DLGAP1: variants seen among roughly 807,000 people sequenced by gnomAD.
DLGAP1 encodes DLG associated protein 1, also known as disks large-associated protein 1.
A neutral mutation model predicts 90.8 loss-of-function variants in DLGAP1; 11 were observed. The ratio of observed to expected loss-of-function variants is 0.12; its 90% CI spans 0.08 to 0.20. The LOEUF is 0.20. Among genes scored for constraint, DLGAP1 ranks in the 10% least tolerant of loss-of-function variants. The probability of loss-of-function intolerance (pLI) is 1.00; values close to 1 mark genes in which losing one functional copy is unlikely to be tolerated. For missense variants in DLGAP1, 1,050 were observed against 1,333.8 expected (o/e 0.79, Z 3.31); for synonymous variants, 558 against 540.7 (o/e 1.03, Z -0.44).
intron 5 of DLGAP1, among the ~76,000 whole-genome samples, chr18:3,777,303 G>GT (rs1189529421): frequency 1.3e-5 from 2 of 152,144 alleles, no homozygotes; most frequent in African/African-American, 4.8e-5. Context: ...TACCCCCAGG[G>GT]ACCAGAAACT....
At chr18:3,536,223 C>CTTTTTTT (rs71159088) in intron 9 of DLGAP1, among the ~76,000 whole-genome samples, 1 of 137,418 alleles carries the variant, frequency 7.3e-6, no homozygotes, top group African/African-American at 2.7e-5. Flanking sequence ...TACTTTCTTT[C>CTTTTTTT]TTTTTTTTTT....
intron 2 of DLGAP1, among the ~76,000 whole-genome samples, chr18:4,028,279 A>G (rs975857058): frequency 5.9e-5 from 9 of 152,328 alleles, no homozygotes; most frequent in African/African-American, 1.7e-4. Context: ...TTGTAACTCT[A>G]TGCAAAGCAT....
intron 1 of DLGAP1, among the ~76,000 whole-genome samples, chr18:4,219,027 G>GTTTTTTTTTTTTTTTTTTTTTT (rs34333673): frequency 1.1e-5 from 1 of 92,020 alleles, no homozygotes; most frequent in African/African-American, 4.4e-5. Flanking sequence ...TTCTATCTTT[G>GTTTTTTTTTTTTTTTTTTTTTT]TTTTTTTTTT....
chr18:3,732,346 A>G (rs993573779), intron 6 of DLGAP1, among the ~76,000 whole-genome samples: 6 of 152,362 alleles, frequency 3.9e-5, no homozygotes, highest in Admixed American at 1.3e-4. Context: ...ATCTATGCTC[A>G]ATGTCTAGAT....
rs2147430910 is a variant in DLGAP1, at chr18:3,727,334, C to CAA, written c.1591+1799_1591+1800dup. Among the ~76,000 whole-genome samples the CAA allele has an allele frequency of 6.6e-6, 1 of 152,230 alleles. No individual in the cohort carries two copies. Among genetic ancestry groups the CAA allele is most frequent in the East Asian group, 1.9e-4 (1 of 5,164 alleles). On this transcript the variant is annotated intron_variant, in intron 7 of 12. Transcript: ENST00000315677. The surrounding 1 kb of genome is among the most constrained non-coding windows in gnomAD (Gnocchi z 4.7). ...GATGCAGGAAGTGTAAGTAAAATGA[C>CAA]AAAAACACGCAAATCTGACAGGTGA...
intron 7 of DLGAP1, among the ~76,000 whole-genome samples, chr18:3,696,151 A>G (rs563402686): frequency 6.6e-6 from 1 of 152,316 alleles, no homozygotes; most frequent in South Asian, 2.1e-4. Context: ...AACAGAGACA[A>G]TTTGACTTCC....
chr18:3,826,240 T>A (rs1237455605), intron 4 of DLGAP1, among the ~76,000 whole-genome samples: 1 of 152,162 alleles, frequency 6.6e-6, no homozygotes, highest in Non-Finnish European at 1.5e-5. Context: ...TCTATCCACG[T>A]AACAAGCCTG....
chr18:3,784,713 T>C (rs553831596), intron 5 of DLGAP1, among the ~76,000 whole-genome samples: 6 of 152,322 alleles, frequency 3.9e-5, no homozygotes, highest in Admixed American at 1.3e-4. Flanking sequence ...TCCAGTGCAA[T>C]GAGCGAGAGC....
At chr18:4,210,347 A>C (rs1315204449) in intron 1 of DLGAP1, among the ~76,000 whole-genome samples, 1 of 152,198 alleles carries the variant, frequency 6.6e-6, no homozygotes, top group Non-Finnish European at 1.5e-5. Context: ...AGAAATATTA[A>C]GTTCTAAACA....
At chr18:4,317,392 G>GA (rs1345811249) in intron 1 of DLGAP1, among the ~76,000 whole-genome samples, 1 of 152,038 alleles carries the variant, frequency 6.6e-6, no homozygotes, top group African/African-American at 2.4e-5. Context: ...TCATGACATA[G>GA]AAAAAAATCA....
chr18:3,674,296 A>AAAAAAAAATATATATATATAT (rs755076240), intron 7 of DLGAP1, among the ~76,000 whole-genome samples: 3 of 128,992 alleles, frequency 2.3e-5, no homozygotes, highest in African/African-American at 9.7e-5. Context: ...ATAATATTAA[A>AAAAAAAAATATATATATATAT]ATATATATAT....
intron 1 of DLGAP1, among the ~76,000 whole-genome samples, chr18:4,243,931 G>GTTCAGACCTTCAGAAAAATT (rs2078598251): frequency 6.6e-6 from 1 of 152,110 alleles, no homozygotes; most frequent in African/African-American, 2.4e-5. Flanking sequence ...AATTCAAATT[G>GTTCAGACCTTCAGAAAAATT]TTCAGACCTT....
chr18:3,535,070 CTCTGTGTG>C (rs1243115789), intron 9 of DLGAP1, among the ~76,000 whole-genome samples: 1 of 122,810 alleles, frequency 8.1e-6, no homozygotes, highest in Non-Finnish European at 1.7e-5. Flanking sequence ...TCTCAATCTT[CTCTGTGTG>C]TGTGTGTGTG....
At chr18:4,071,984 T>C (rs2075454272) in intron 2 of DLGAP1, among the ~76,000 whole-genome samples, 1 of 152,184 alleles carries the variant, frequency 6.6e-6, no homozygotes, top group African/African-American at 2.4e-5. Flanking sequence ...ATACAGAATA[T>C]AATGAATGTG....
intron 3 of DLGAP1, among the ~76,000 whole-genome samples, chr18:3,972,553 A>G (rs559985848): frequency 6.6e-6 from 1 of 152,092 alleles, no homozygotes; most frequent in Admixed American, 6.6e-5. Flanking sequence ...TTAGAATTAT[A>G]CAGTGTTTGG....
intron 2 of DLGAP1, among the ~76,000 whole-genome samples, chr18:4,089,847 C>T (rs538468691): frequency 2.2e-4 from 34 of 152,262 alleles, no homozygotes; most frequent in African/African-American, 4.6e-4. Context: ...AGATCGAGAC[C>T]ATCCTGGCTA....
chr18:4,417,142 G>C (rs1451580087), intron 1 of DLGAP1, among the ~76,000 whole-genome samples: 2 of 152,096 alleles, frequency 1.3e-5, no homozygotes, highest in Non-Finnish European at 2.9e-5. Context: ...AGTTTGCAGT[G>C]GGATTTTCCA....
At chr18:3,958,622 CAAAAA>C (rs11342881) in intron 3 of DLGAP1, among the ~76,000 whole-genome samples, 2 of 123,566 alleles carry the variant, frequency 1.6e-5, no homozygotes, top group Non-Finnish European at 1.7e-5. Flanking sequence ...ATCCTCTTTA[CAAAAA>C]AAAAAAAAAA....
At chr18:4,419,881 A>G (rs2082989276) in intron 1 of DLGAP1, among the ~76,000 whole-genome samples, 1 of 152,184 alleles carries the variant, frequency 6.6e-6, no homozygotes, top group Admixed American at 6.5e-5. Context: ...AATAGAAAAC[A>G]GCTAACATAG....
Sources: allele counts gnomAD v4.1 joint callset (sites outside exome capture counted in the v4.1 genomes callset), GRCh38; gene constraint gnomAD v4.1.1; non-coding constraint Gnocchi (gnomAD v3.1); transcripts MANE v1.5; gene names NCBI Gene and HGNC (gene_info 2026-07-23, HGNC 2026-07-21).